The following QRICH1 variants were observed in gnomAD, a reference collection of about 807,000 sequenced individuals.
The protein encoded by QRICH1 is glutamine rich 1.
Under a neutral mutation model 87.1 loss-of-function variants are expected in QRICH1, and 16 were observed. That is an observed-to-expected ratio of 0.18 (90% confidence interval 0.12 to 0.28). QRICH1 has a LOEUF of 0.28. Among genes scored for constraint, QRICH1 ranks in the 10% least tolerant of loss-of-function variants. The pLI is 1.00. For missense variants in QRICH1, 647 were observed against 951.7 expected, an observed-to-expected ratio of 0.68 and a Z score of 4.21; for synonymous variants, 367 against 368.4, an observed-to-expected ratio of 1.00 and a Z score of 0.05.
chr3:49,072,274 C>T (rs543763856), intron 2 of QRICH1, among the ~76,000 whole-genome samples: 1 of 152,054 alleles, frequency 6.6e-6, no homozygotes, highest in African/African-American at 2.4e-5. Context: ...CAGAGTGAGG[C>T]TCTGTCTCAA....
intron 1 of QRICH1, among the ~76,000 whole-genome samples, chr3:49,079,977 C>T (rs899489400): frequency 4.7e-5 from 7 of 149,590 alleles, no homozygotes; most frequent in South Asian, 2.1e-4. Flanking sequence ...TGCGGTGAGC[C>T]GAGATCGTGC....
chr3:49,083,613 C>T (rs931059445), intron 1 of QRICH1: 9 of 151,588 alleles, frequency 5.9e-5, no homozygotes, highest in Non-Finnish European at 1.2e-4. Context: ...AATATCAATA[C>T]TAAGCTTGGC....
At chr3:49,064,693 G>A (rs865999055) in intron 2 of QRICH1, among the ~76,000 whole-genome samples, 41 of 152,010 alleles carry the variant, frequency 2.7e-4, no homozygotes, top group Admixed American at 5.9e-4. Context: ...GTGAAACCCC[G>A]TCTATACTAA....
intron 2 of QRICH1, among the ~76,000 whole-genome samples, chr3:49,071,158 G>C (rs972834405): frequency 8.6e-5 from 13 of 151,854 alleles, no homozygotes; most frequent in African/African-American, 3.1e-4. Flanking sequence ...TCCACCTCCC[G>C]GGTTCACGTC....
chr3:49,084,037 T>C (rs186436213), intron 1 of QRICH1, among the ~76,000 whole-genome samples: 1 of 151,970 alleles, frequency 6.6e-6, no homozygotes, highest in Non-Finnish European at 1.5e-5. Flanking sequence ...CCTAAACTCA[T>C]GATCCACCCG....
chr3:49,047,779 G>A (rs189357171), intron 3 of QRICH1, among the ~76,000 whole-genome samples: 181 of 151,932 alleles, frequency 1.2e-3, no homozygotes, highest in African/African-American at 4.0e-3. Flanking sequence ...CACTGTGCCC[G>A]GTCAAATCTT....
intron 6 of QRICH1, among the ~76,000 whole-genome samples, chr3:49,034,901 A>C (rs1350920134): frequency 6.6e-6 from 1 of 152,094 alleles, no homozygotes; most frequent in Non-Finnish European, 1.5e-5. Context: ...CCAAGCAAGC[A>C]CAGTGTGTGA....
At position 49,045,296 on chromosome 3, in the gene QRICH1, AAAAGT is replaced by A. The variant is rs569006380; in HGVS notation, c.1672-797_1672-793del. 3.1e-3 allele frequency among the ~76,000 whole-genome samples: 473 copies of A among 151,598 alleles called. 5 individuals are homozygous for A. Among genetic ancestry groups the A allele is most frequent in the African/African-American group, 0.011 (446 of 41,266 alleles). Reference sequence around the variant, plus strand: ...CATGAAAATCAGGTTTAACAAAAAGAAAAGTGTTACATAAATGCTTTGTGAATTAC... The same window carrying A: ...CATGAAAATCAGGTTTAACAAAAAGAGTTACATAAATGCTTTGTGAATTAC... On this transcript the variant is annotated intron_variant, in intron 5 of 9. Transcript: ENST00000395443.
At position 49,047,251 on chromosome 3, in the gene QRICH1, A is replaced by G. The variant is rs2093343892; in HGVS notation, c.1339-5T>C. 1.2e-6 allele frequency: 2 copies of G among 1,602,128 alleles called. No individual in the cohort carries two copies. Among genetic ancestry groups the G allele is most frequent in the African/African-American group, 1.3e-5 (1 of 74,336 alleles). Reference sequence around the variant, plus strand: ...AGCAACCTGGACAGTTTGAGCCTATAGGAGAGAAACCATGAAAATGTGTCA... The same window carrying G: ...AGCAACCTGGACAGTTTGAGCCTATGGGAGAGAAACCATGAAAATGTGTCA... On this transcript the variant is annotated splice_polypyrimidine_tract_variant and splice_region_variant and intron_variant, in intron 3 of 9. Coordinates refer to ENST00000395443, the MANE Select transcript of QRICH1 (RefSeq NM_198880.3).
chr3:49,083,013 CCTGA>C (rs567274530), intron 1 of QRICH1, among the ~76,000 whole-genome samples: 177 of 151,684 alleles, frequency 1.2e-3, no homozygotes, highest in Non-Finnish European at 2.0e-3. Flanking sequence ...TCGAGACCAG[CCTGA>C]CTAACATGGA....
At chr3:49,075,350 G>C (rs1030472475) in intron 2 of QRICH1, among the ~76,000 whole-genome samples, 1 of 143,704 alleles carries the variant, frequency 7.0e-6, no homozygotes, top group Non-Finnish European at 1.5e-5. Context: ...AAAAAAAAAA[G>C]TCAGGCGCCG....
chr3:49,071,273 C>T lies in QRICH1; in HGVS notation c.309+5436G>A, dbSNP rs185836026. ...TAGAGACGGAGTTTCACTGTGTTAGCCAGGATGGTCTCAATCTCCTGATCG... is the reference window on the plus strand; with the variant it reads ...TAGAGACGGAGTTTCACTGTGTTAGTCAGGATGGTCTCAATCTCCTGATCG... On this transcript the variant is annotated intron_variant, in intron 2 of 9. Transcript: ENST00000395443. Among the ~76,000 whole-genome samples, 431 of 152,190 alleles carry T rather than the reference C, an allele frequency of 2.8e-3. 3 individuals are homozygous for T. The highest frequency in any genetic ancestry group is 9.7e-3 in the African/African-American group (401 of 41,526).
intron 2 of QRICH1, among the ~76,000 whole-genome samples, chr3:49,075,815 A>G (rs1218768649): frequency 6.6e-6 from 1 of 151,764 alleles, no homozygotes; most frequent in African/African-American, 2.4e-5. Context: ...GGTAGTGCAC[A>G]CCTGTAGTCC....
chr3:49,071,730 T>C (rs1006756735), intron 2 of QRICH1, among the ~76,000 whole-genome samples: 6 of 152,184 alleles, frequency 3.9e-5, no homozygotes, highest in African/African-American at 1.2e-4. Context: ...CTGTCCTTAG[T>C]GTAAAAGGCT....
intron 1 of QRICH1, among the ~76,000 whole-genome samples, chr3:49,079,473 C>T (rs1295148257): frequency 6.8e-6 from 1 of 146,724 alleles, no homozygotes; most frequent in Non-Finnish European, 1.5e-5. Flanking sequence ...ATAATTTTTA[C>T]ATAAATATAA....
intron 6 of QRICH1, 146 bp downstream of exon 6, chr3:49,044,244 G>A: frequency 1.5e-6 from 1 of 658,214 alleles, no homozygotes; most frequent in South Asian, 2.0e-5. Context: ...TTCCCTATCA[G>A]GGCAAGTAGC....
intron 2 of QRICH1, among the ~76,000 whole-genome samples, chr3:49,071,393 G>C (rs879257663): frequency 6.6e-6 from 1 of 152,032 alleles, no homozygotes; most frequent in Non-Finnish European, 1.5e-5. Context: ...GTAATGGCTT[G>C]TGCCTGTAAT....
chr3:49,056,608 A>C, intron 3 of QRICH1: 1 of 618,950 alleles, frequency 1.6e-6, no homozygotes, highest in East Asian at 2.9e-5. Context: ...TGTCCATGGT[A>C]CTTAAACCCA....
At chr3:49,083,222 G>GA (rs1267768250) in intron 1 of QRICH1, 2 of 136,760 alleles carry the variant, frequency 1.5e-5, no homozygotes, top group Non-Finnish European at 3.1e-5. Flanking sequence ...AAAAAAAAAG[G>GA]GGGGGGGGGA....
Sources: allele counts gnomAD v4.1 joint callset (sites outside exome capture counted in the v4.1 genomes callset), GRCh38; gene constraint gnomAD v4.1.1; transcripts MANE v1.5; gene names NCBI Gene and HGNC (gene_info 2026-07-23, HGNC 2026-07-21).